MUC4: variants seen among roughly 807,000 people sequenced by gnomAD.
MUC4 encodes the protein mucin-4.
MUC4 carries 202 observed loss-of-function variants against 257.9 expected under a neutral mutation model. The ratio of observed to expected loss-of-function variants is 0.78; its 90% confidence interval spans 0.70 to 0.88. The LOEUF (loss-of-function observed/expected upper bound fraction) is 0.88, where lower values mean the gene tolerates loss of function less well. Among genes scored for constraint, MUC4 ranks in the 40% least tolerant of loss-of-function variants. The pLI is 0.00. For missense variants in MUC4, 5,976 were observed against 6,513.7 expected (o/e 0.92, Z 2.84); for synonymous variants, 2,351 against 2,757.1 (o/e 0.85, Z 4.62).
chr3:195,803,725 T>C (rs1735639418), intron 1 of MUC4, among the ~76,000 whole-genome samples: 2 of 152,240 alleles, frequency 1.3e-5, no homozygotes, highest in South Asian at 2.1e-4. Flanking sequence ...AGTGATATTA[T>C]ATGCCTTGGA....
rs1033398254 is a variant in MUC4 at position 195,748,206 on chromosome 3, A to T, written c.16034+696T>A. The stretch of plus-strand genomic sequence containing the variant: ...TGAGGGGCAGGACTGGCCTAGACAC[A>T]GGACTGCAGGTTCTTTTCCCACAAG... On this transcript the variant is annotated intron_variant, in intron 24 of 24. Coordinates refer to ENST00000463781, the MANE Select transcript of MUC4 (RefSeq NM_018406.7). Among the ~76,000 whole-genome samples the T allele has an allele frequency of 5.9e-5, 9 of 152,408 alleles. No individual in the cohort carries two copies. The South Asian group carries it at 1.7e-3, about 28-fold the overall frequency.
At chr3:195,753,287 A>C in intron 19 of MUC4, 57 bp from the exon 20 acceptor site, 1 of 1,558,924 alleles carries the variant, frequency 6.4e-7, no homozygotes, top group Non-Finnish European at 8.8e-7. Context: ...GGGACGGCCC[A>C]GCCCGTGGAA....
rs918776384 is a variant in MUC4, at chr3:195,757,925, G to A, written c.14987-597C>T. Among the ~76,000 whole-genome samples, 4 of 152,178 alleles carry A rather than the reference G, an allele frequency of 2.6e-5. No individual in the cohort carries two copies. The highest frequency in any genetic ancestry group is 4.4e-5 in the Non-Finnish European group (3 of 68,036). ...AGACGAACGTAATTTCCAGACCATC[G>A]TCCTTCAGGGGTGGGGCCCGTGGAG... On this transcript the variant is annotated intron_variant, in intron 17 of 24. Coordinates refer to ENST00000463781, the MANE Select transcript of MUC4 (RefSeq NM_018406.7). This position sits in a 1 kb window ranked among gnomAD's most constrained non-coding sequence, Gnocchi z 4.8.
rs879361284 is a variant in MUC4 at position 195,781,728 on chromosome 3, G to C, written c.9852C>G (p.Thr3284=). 3 of 1,475,344 alleles carry C rather than the reference G, an allele frequency of 2.0e-6. No homozygotes were observed. The highest frequency in any genetic ancestry group is 2.6e-4 in the Middle Eastern group (1 of 3,896). The allele number at this position is 1,475,344 out of a possible 1,614,324, so 91.4% of individuals were successfully genotyped here. A position where few individuals can be genotyped will look rare whatever the true frequency, so the allele number is the denominator to read the frequency against. The change falls in exon 2 of 25, where the codon ACC becomes ACG. Residue 3284 remains threonine, a synonymous_variant. Coordinates refer to ENST00000463781, the MANE Select transcript of MUC4 (RefSeq NM_018406.7). ...YTGDTTSLPV[T]DTSSSSTGDT... ...CACCTGTGGATGATGAGGAAGTGTCGGTGACAGGAAGAGAGGTGGTGTCAC... is the reference window on the plus strand; with the variant it reads ...CACCTGTGGATGATGAGGAAGTGTCCGTGACAGGAAGAGAGGTGGTGTCAC...
rs919793206 is a variant in MUC4, at chr3:195,759,210, C to T, written c.14900G>A (p.Gly4967Glu). ...GGTGTACTGAATCAGCGTGGTCTGC[C>T]CCTTGTAGGCTTCAATCACACGACC... ...NGGRVIEAYK[G>E]QTTLIQYTSN... The change falls in exon 17 of 25, where the codon GGG (glycine) becomes GAG (glutamate). Residue 4967 changes from glycine to glutamate, a missense_variant. By Grantham distance (98) the Gly-to-Glu change is moderately conservative (BLOSUM62 -2). This residue lies in a region of MUC4 where 996 missense variants were observed against 1,137.3 expected (regional missense o/e 0.88). Transcript: ENST00000463781. The T allele has an allele frequency of 7.4e-6, 12 of 1,613,824 alleles. No homozygotes were observed. The African/African-American group carries it at 1.3e-4, about 18-fold the overall frequency.
rs1162367713 is a variant in MUC4, at chr3:195,782,618, C to G, written c.8962G>C (p.Gly2988Arg). ...GTGACAGGAAGAAGGGTGGCGTGAC[C>G]TGTGGATGCTGAGGAAGTGTCGGTG... Reference protein sequence around the residue: ...PDTDTSSASTGHATLLPVTDT... With the variant: ...PDTDTSSASTRHATLLPVTDT... The change falls in exon 2 of 25, where the codon GGT becomes CGT. Residue 2988 changes from glycine (G) to arginine (R), a missense_variant. This residue lies in a region of MUC4 where 68 missense variants were observed against 50.2 expected (regional missense o/e 1.35). Coordinates refer to ENST00000463781, the MANE Select transcript of MUC4 (RefSeq NM_018406.7). 2 of 908,860 alleles carry G rather than the reference C, an allele frequency of 2.2e-6. 1 individual carries two copies. The highest frequency in any genetic ancestry group is 3.1e-6 in the Non-Finnish European group (2 of 636,366). 56.3% of individuals were successfully genotyped at this position (908,860 alleles called of 1,614,324 possible). A position where few individuals can be genotyped will look rare whatever the true frequency, so the allele number is the denominator to read the frequency against.
chr3:195,764,409 G>A (rs780782248), intron 10 of MUC4, among the ~76,000 whole-genome samples: 2 of 152,184 alleles, frequency 1.3e-5, no homozygotes, highest in African/African-American at 2.4e-5. Context: ...ATGACCTTGG[G>A]CAGTGAATAG....
intron 24 of MUC4, among the ~76,000 whole-genome samples, chr3:195,747,822 C>T (rs1715364510): frequency 6.6e-6 from 1 of 152,282 alleles, no homozygotes; most frequent in Admixed American, 6.5e-5. Context: ...GATTGCAACA[C>T]TGCACTCCAG....
At chr3:195,759,094 C>A (rs1412773075) in intron 17 of MUC4, 30 bp downstream of exon 17, 1 of 1,611,978 alleles carries the variant, frequency 6.2e-7, no homozygotes, top group South Asian at 1.1e-5. Flanking sequence ...CCCACCTCCC[C>A]ACTCTCCCCA....
At chr3:195,768,036 C>T (rs949933955) in intron 7 of MUC4, among the ~76,000 whole-genome samples, 13 of 152,010 alleles carry the variant, frequency 8.6e-5, no homozygotes, top group Non-Finnish European at 1.5e-4. Context: ...CTGGAGCAGC[C>T]GCCTGCAGCC....
intron 12 of MUC4, 105 bp from the exon 13 acceptor site, chr3:195,763,050 G>A (rs1177494745): frequency 1.0e-6 from 1 of 992,908 alleles, no homozygotes; most frequent in African/African-American, 1.6e-5. Context: ...CCCTGGGCCG[G>A]GAGGAAGGCG....
Position 195,747,215 on chromosome 3 carries a change from C to G in MUC4, c.16200G>C (p.Arg5400Ser). 1.2e-6 allele frequency: 2 copies of G among 1,614,290 alleles called. No individual in the cohort carries two copies. The highest frequency in any genetic ancestry group is 1.7e-6 in the Non-Finnish European group (2 of 1,180,054). ...VLRFWGCSGA[R>S]FSYFLNSAEA... ...CAGCTGAGTTCAGGAAATAGGAGAACCTGGCCCCGGAGCAACCCCAGAAGC... is the reference window on the plus strand; with the variant it reads ...CAGCTGAGTTCAGGAAATAGGAGAAGCTGGCCCCGGAGCAACCCCAGAAGC... Residue 5400 changes from arginine (R) to serine (S), a missense_variant, in exon 25 of 25, where the codon AGG (arginine) becomes AGC (serine). Arg to Ser is a moderately radical substitution (Grantham distance 110). Transcript: ENST00000463781.
At chr3:195,772,934 G>A (rs372751889) in intron 4 of MUC4, among the ~76,000 whole-genome samples, 3 of 115,078 alleles carry the variant, frequency 2.6e-5, no homozygotes, top group East Asian at 3.3e-4. Context: ...TCTCTCCATC[G>A]CTCAGGGGTG....
chr3:195,797,934 T>A (rs542501118), intron 1 of MUC4, among the ~76,000 whole-genome samples: 1 of 152,202 alleles, frequency 6.6e-6, no homozygotes, highest in South Asian at 2.1e-4. Flanking sequence ...AGCAAGATCC[T>A]GTCTCTACAG....
Position 195,787,328 on chromosome 3 carries a change from A to T in MUC4, c.4252T>A (p.Ser1418Thr). The T allele has an allele frequency of 3.0e-6, 2 of 657,676 alleles. No homozygotes were observed. The highest frequency in any genetic ancestry group is 4.5e-6 in the Non-Finnish European group (2 of 441,742). 40.7% of individuals were successfully genotyped at this position (657,676 alleles called of 1,614,324 possible). A position where few individuals can be genotyped will look rare whatever the true frequency, so the allele number is the denominator to read the frequency against. ...PLLVTDTSSA[S>T]TGHATPLPVT... ...GGAAGAGGGGTGGCGTGTCCTGTGG[A>T]TGCTGAGGAAGTGTCGGTGACAAGA... Residue 1418 changes from serine (S) to threonine (T), a missense_variant, in exon 2 of 25, where the codon TCC (serine) becomes ACC (threonine). By Grantham distance (58) the Ser-to-Thr change is moderately conservative. Coordinates refer to ENST00000463781, the MANE Select transcript of MUC4 (RefSeq NM_018406.7).
At position 195,763,512 on chromosome 3, in the gene MUC4, G is replaced by A. The variant is rs1052040271; in HGVS notation, c.14174C>T (p.Ala4725Val). The A allele has an allele frequency of 9.6e-6, 15 of 1,561,360 alleles. No homozygotes were observed. The African/African-American group carries it at 1.2e-4, about 13-fold the overall frequency. The change falls in exon 12 of 25, where the codon GCC becomes GTC. Residue 4725 changes from alanine to valine, a missense_variant. Coordinates refer to ENST00000463781, the MANE Select transcript of MUC4 (RefSeq NM_018406.7). ...NSSFLLQGRT[A>V]QTGSAQATNF... The stretch of plus-strand genomic sequence containing the variant: ...GGTGGCCTGGGCTGAGCCAGTCTGG[G>A]CGGTGCGGCCCTGAAGCAGGAAGGA...
intron 1 of MUC4, among the ~76,000 whole-genome samples, chr3:195,803,483 C>G (rs548937443): frequency 1.3e-4 from 20 of 152,290 alleles, no homozygotes; most frequent in African/African-American, 4.6e-4. Context: ...TGCGCTGGGT[C>G]GAGTGACTGA....
intron 3 of MUC4, among the ~76,000 whole-genome samples, chr3:195,775,528 A>G (rs375777105): frequency 2.6e-4 from 20 of 77,048 alleles, no homozygotes; most frequent in South Asian, 7.2e-4. Flanking sequence ...TACCTTCCAC[A>G]CCCATACCTT....
In MUC4 at chr3:195,780,140, G is replaced by C. The variant is rs1394893485; in HGVS notation, c.11440C>G (p.Leu3814Val). 2 of 1,166,276 alleles carry C rather than the reference G, an allele frequency of 1.7e-6. No individual in the cohort carries two copies. The highest frequency in any genetic ancestry group is 3.4e-5 in the East Asian group (1 of 29,386). The allele number at this position is 1,166,276 out of a possible 1,614,324, so 72.2% of individuals were successfully genotyped here. The change falls in exon 2 of 25, where the codon CTT becomes GTT. Residue 3814 changes from leucine to valine, a missense_variant. Coordinates refer to ENST00000463781, the MANE Select transcript of MUC4 (RefSeq NM_018406.7). ...GTGTCACCTGTGGATACTGAGGAAA[G>C]GCTGGTGACAGGAAGAGGGGTGGCC... ...GQATPLPVTSLSSVSTGDTTP... is the reference protein window; with the variant it reads ...GQATPLPVTSVSSVSTGDTTP...
Sources: allele counts gnomAD v4.1 joint callset (sites outside exome capture counted in the v4.1 genomes callset), GRCh38; gene constraint gnomAD v4.1.1; regional missense constraint gnomAD v4.1.1; non-coding constraint Gnocchi (gnomAD v3.1); transcripts MANE v1.5; gene names NCBI Gene and HGNC (gene_info 2026-07-23, HGNC 2026-07-21).